AADAC: variants seen among roughly 807,000 people sequenced by gnomAD.
The protein encoded by AADAC is arylacetamide deacetylase (esterase).
Under a neutral mutation model 22.7 loss-of-function variants are expected in AADAC, and 17 were observed. The ratio of observed to expected loss-of-function variants is 0.75; its 90% CI spans 0.51 to 1.12. AADAC has a LOEUF of 1.12. Ranked by LOEUF, AADAC falls within the 50% of genes most tolerant of loss-of-function variation. The probability of loss-of-function intolerance (pLI) is 0.00; values close to 1 mark genes in which losing one functional copy is unlikely to be tolerated. For synonymous variants in AADAC, 167 were observed against 176.3 expected (o/e 0.95, Z 0.42); for missense variants, 465 against 473.9 (o/e 0.98, Z 0.17).
At chr3:151,822,394 C>A (rs984609968) in intron 3 of AADAC, among the ~76,000 whole-genome samples, 3 of 151,864 alleles carry the variant, frequency 2.0e-5, no homozygotes, top group Non-Finnish European at 4.4e-5. Context: ...GTGGAAGCAA[C>A]CCAATGTTCA....
At position 151,828,244 on chromosome 3, in the gene AADAC, T is replaced by C. The variant is rs1716592639; in HGVS notation, c.*72T>C. 9.4e-7 allele frequency: 1 copy of C among 1,058,838 alleles called. No homozygotes were observed. The highest frequency in any genetic ancestry group is 1.6e-5 in the African/African-American group (1 of 61,610). The allele number at this position is 1,058,838 out of a possible 1,614,324, so 65.6% of individuals were successfully genotyped here. A position where few individuals can be genotyped will look rare whatever the true frequency, so the allele number is the denominator to read the frequency against. ...TCAGAAAATTTGCATTAGAAATTGG[T>C]CTTTCTTAGAATGGTCTAGTTAAGT... is the stretch of plus-strand genomic sequence containing the variant. On this transcript the variant is annotated 3_prime_UTR_variant, in exon 5 of 5. Transcript: ENST00000232892.
chr3:151,825,728 C>A (rs1290136586), intron 4 of AADAC, among the ~76,000 whole-genome samples: 1 of 151,738 alleles, frequency 6.6e-6, no homozygotes, highest in East Asian at 1.9e-4. Flanking sequence ...ATTTTTGTCC[C>A]AGATTATATG....
Position 151,817,422 on chromosome 3 carries a change from C to G in AADAC, c.195C>G (p.Val65=), listed in dbSNP as rs1045204377. The change falls in exon 2 of 5, where the codon GTC becomes GTG. Residue 65 remains valine, a synonymous_variant. Coordinates refer to ENST00000232892, the MANE Select transcript of AADAC (RefSeq NM_001086.3). ...ATTTTATGGATTCCTTTAAGGTTGT[C>G]GGGAGCTTTGATGAAGTCCCACCAA... The part of the protein sequence containing the change: ...LHHFMDSFKV[V]GSFDEVPPTS... 1.2e-6 allele frequency: 2 copies of G among 1,613,588 alleles called. No individual in the cohort carries two copies. Among genetic ancestry groups the G allele is most frequent in the South Asian group, 1.1e-5 (1 of 91,062 alleles).
chr3:151,814,200 T>A lies in AADAC; in HGVS notation c.38T>A (p.Ile13Asn). 6.2e-7 allele frequency: 1 copy of A among 1,613,356 alleles called. No individual in the cohort carries two copies. Among genetic ancestry groups the A allele is most frequent in the Non-Finnish European group, 8.5e-7 (1 of 1,179,518 alleles). ...TCGCTGTACCTTCTGATTGTGGGGA[T>A]CCTCATAGCATATTATATTTATACG... ...RKSLYLLIVG[I>N]LIAYYIYTPL... Residue 13 changes from isoleucine (I) to asparagine (N), a missense_variant, in exon 1 of 5, where the codon ATC becomes AAC. Ile to Asn is a moderately radical substitution (Grantham distance 149). Coordinates refer to ENST00000232892, the MANE Select transcript of AADAC (RefSeq NM_001086.3).
chr3:151,815,193 G>A (rs1715931959), intron 1 of AADAC, among the ~76,000 whole-genome samples: 1 of 152,012 alleles, frequency 6.6e-6, no homozygotes, highest in African/African-American at 2.4e-5. Flanking sequence ...AATTTGGGCA[G>A]AAGGCAAGAG....
In AADAC at chr3:151,827,067, A is replaced by AG. The variant is rs1716526420; in HGVS notation, c.604-509_604-508insG. On this transcript the variant is annotated intron_variant, in intron 4 of 4. Transcript: ENST00000232892. Reference sequence around the variant, plus strand: ...GTAGCTTCAATGACAGGTGTGCGTTACCATACCTGGCTAATTTTTGTATTT... The same window carrying AG: ...GTAGCTTCAATGACAGGTGTGCGTTAGCCATACCTGGCTAATTTTTGTATTT... Among the ~76,000 whole-genome samples, 4 of 151,900 alleles carry AG rather than the reference A, an allele frequency of 2.6e-5. No individual in the cohort carries two copies. In the South Asian group the frequency reaches 8.3e-4, roughly 32 times the overall value.
At chr3:151,816,716 A>G (rs1343816009) in intron 1 of AADAC, among the ~76,000 whole-genome samples, 2 of 152,010 alleles carry the variant, frequency 1.3e-5, no homozygotes, top group Non-Finnish European at 2.9e-5. Flanking sequence ...TACATAATAG[A>G]CTTACAAAAT....
Position 151,817,513 on chromosome 3 carries a change from C to G in AADAC, c.286C>G (p.Pro96Ala). The G allele has an allele frequency of 6.2e-7, 1 of 1,613,730 alleles. No homozygotes were observed. Among genetic ancestry groups the G allele is most frequent in the Non-Finnish European group, 8.5e-7 (1 of 1,179,744 alleles). The change falls in exon 2 of 5, where the codon CCA becomes GCA. Residue 96 changes from proline to alanine, a missense_variant. Coordinates refer to ENST00000232892, the MANE Select transcript of AADAC (RefSeq NM_001086.3). ...FNNILVRVYV[P>A]KRKSEALRRG... ...CAACATTCTTGTTCGGGTATATGTGCCAAAGAGAAAGTCTGAAGCACTAAG... is the reference window on the plus strand; with the variant it reads ...CAACATTCTTGTTCGGGTATATGTGGCAAAGAGAAAGTCTGAAGCACTAAG...
intron 1 of AADAC, among the ~76,000 whole-genome samples, chr3:151,814,797 A>G (rs1715916250): frequency 1.3e-5 from 2 of 152,034 alleles, no homozygotes; most frequent in Non-Finnish European, 1.5e-5. Context: ...ACGAGACGGC[A>G]CAATATGCAC....
At chr3:151,820,281 T>C (rs1034943576) in intron 2 of AADAC, 102 bp from the exon 3 acceptor site, 1 of 679,536 alleles carries the variant, frequency 1.5e-6, no homozygotes, top group African/African-American at 1.8e-5. Context: ...AAAATAGAAC[T>C]GCCAGAACGT....
At chr3:151,816,245 G>A (rs1356047223) in intron 1 of AADAC, among the ~76,000 whole-genome samples, 1 of 151,908 alleles carries the variant, frequency 6.6e-6, no homozygotes, top group Non-Finnish European at 1.5e-5. Context: ...CAGCTCCATA[G>A]CCACACCTCA....
intron 1 of AADAC, among the ~76,000 whole-genome samples, chr3:151,814,789 G>A (rs532854826): frequency 1.3e-5 from 2 of 152,112 alleles, no homozygotes; most frequent in South Asian, 4.2e-4. Context: ...GGTTAACCAC[G>A]AGACGGCACA....
chr3:151,818,252 A>G (rs1716082332), intron 2 of AADAC, among the ~76,000 whole-genome samples: 1 of 151,838 alleles, frequency 6.6e-6, no homozygotes, highest in Non-Finnish European at 1.5e-5. Flanking sequence ...AAAAAAAAAA[A>G]AAAGAAAAAA....
chr3:151,826,649 A>G (rs1468084462), intron 4 of AADAC, among the ~76,000 whole-genome samples: 1 of 152,016 alleles, frequency 6.6e-6, no homozygotes, highest in Non-Finnish European at 1.5e-5. Flanking sequence ...TTCACAATTT[A>G]AAACATATTT....
Position 151,827,639 on chromosome 3 carries a change from C to A in AADAC, c.667C>A (p.Gln223Lys), listed in dbSNP as rs1464274682. ...CCAGTCTTTAATTTATCCTGCCCTT[C>A]AGCCTCTTGATGTAGATTTACCGTC... ...KIQSLIYPALQPLDVDLPSYQ... is the reference protein window; with the variant it reads ...KIQSLIYPALKPLDVDLPSYQ... The change falls in exon 5 of 5, where the codon CAG (glutamine) becomes AAG (lysine). Residue 223 changes from glutamine (Q) to lysine (K), a missense_variant. Gln to Lys is a moderately conservative substitution (Grantham distance 53, BLOSUM62 1). Transcript: ENST00000232892. 6.2e-7 allele frequency: 1 copy of A among 1,610,210 alleles called. No homozygotes were observed.
intron 2 of AADAC, among the ~76,000 whole-genome samples, 166 bp downstream of exon 2, chr3:151,817,754 CT>C (rs1716054766): frequency 1.3e-5 from 2 of 152,064 alleles, no homozygotes; most frequent in African/African-American, 4.8e-5. Context: ...TTATATCACT[CT>C]TTTCCACATA....
Position 151,820,465 on chromosome 3 carries a change from C to A in AADAC, c.431+13C>A. On this transcript the variant is annotated intron_variant, in intron 3 of 4. Transcript: ENST00000232892. ...TCGTATCAACCAAGTAAGAGCTGTG[C>A]TGTTTGGTTTCCTGGCCAGATGTCT... is the stretch of plus-strand genomic sequence containing the variant. The A allele has an allele frequency of 6.6e-7, 1 of 1,506,234 alleles. No homozygotes were observed. Among genetic ancestry groups the A allele is most frequent in the Non-Finnish European group, 9.0e-7 (1 of 1,115,494 alleles). The allele number at this position is 1,506,234 out of a possible 1,614,324, so 93.3% of individuals were successfully genotyped here. A position where few individuals can be genotyped will look rare whatever the true frequency, so the allele number is the denominator to read the frequency against.
chr3:151,814,723 C>T (rs994592861), intron 1 of AADAC, among the ~76,000 whole-genome samples: 7 of 151,978 alleles, frequency 4.6e-5, no homozygotes, highest in African/African-American at 1.4e-4. Flanking sequence ...ACTAAGGACA[C>T]GTAAATAAGT....
At chr3:151,815,327 C>T (rs78180516) in intron 1 of AADAC, among the ~76,000 whole-genome samples, 3,746 of 152,026 alleles carry the variant, frequency 0.025, 129 homozygotes, top group Non-Finnish European at 0.041. Context: ...AGCAGAGACA[C>T]CAACAAGTAA....
Sources: allele counts gnomAD v4.1 joint callset (sites outside exome capture counted in the v4.1 genomes callset), GRCh38; gene constraint gnomAD v4.1.1; transcripts MANE v1.5; gene names NCBI Gene and HGNC (gene_info 2026-07-23, HGNC 2026-07-21).